The following PIK3CD variants were observed in gnomAD, a reference collection of about 807,000 sequenced individuals.
PIK3CD encodes phosphatidylinositol 4,5-bisphosphate 3-kinase catalytic subunit delta isoform.
In PIK3CD, 20 loss-of-function variants were observed where a neutral mutation model predicts 122.9. That is an observed-to-expected ratio of 0.16 (90% CI 0.11 to 0.24). The LOEUF (loss-of-function observed/expected upper bound fraction) is 0.24, where lower values mean the gene tolerates loss of function less well. Among genes scored for constraint, PIK3CD ranks in the 10% least tolerant of loss-of-function variants. The probability of loss-of-function intolerance (pLI) is 1.00; values close to 1 mark genes in which losing one functional copy is unlikely to be tolerated. For synonymous variants in PIK3CD, 596 were observed against 593.4 expected (o/e 1.00, Z -0.06); for missense variants, 787 against 1,406.3 (o/e 0.56, Z 7.04).
the PIK3CD span, among the ~76,000 whole-genome samples, chr1:9,638,911 G>T: frequency 3.3e-5 from 5 of 151,118 alleles, no homozygotes; most frequent in African/African-American, 1.2e-4. Context: ...GAGGAGCTGG[G>T]ACTACAGGTG....
Position 9,717,231 on chromosome 1 carries a change from G to A in PIK3CD, c.930+123G>A. 7.8e-7 allele frequency: 1 copy of A among 1,289,878 alleles called. No homozygotes were observed. Among genetic ancestry groups the A allele is most frequent in the Non-Finnish European group, 1.1e-6 (1 of 905,508 alleles). 79.9% of individuals were successfully genotyped at this position (1,289,878 alleles called of 1,614,324 possible). On this transcript the variant is annotated intron_variant, in intron 7 of 23. Transcript: ENST00000377346. This position sits in a 1 kb window ranked among gnomAD's most constrained non-coding sequence, Gnocchi z 5.4. ...TATGGAGAGCTGGGGCTTTGAGCTG[G>A]GGAAGCCAACACAGCTGACCAGCGT...
At chr1:9,645,177 C>T in the PIK3CD span, among the ~76,000 whole-genome samples, 1 of 151,874 alleles carries the variant, frequency 6.6e-6, no homozygotes, top group African/African-American at 2.4e-5. Flanking sequence ...CCCACCACCA[C>T]ACCTGGCTAA....
chr1:9,720,755 G>A lies in PIK3CD; in HGVS notation c.1535G>A (p.Arg512Gln), dbSNP rs753025128. The A allele has an allele frequency of 8.7e-6, 14 of 1,612,696 alleles. No individual in the cohort carries two copies. The highest frequency in any genetic ancestry group is 1.7e-4 in the Middle Eastern group (1 of 6,008). The change falls in exon 13 of 24, where the codon CGG (arginine) becomes CAG (glutamine). Residue 512 changes from arginine to glutamine, a missense_variant. This residue lies in a region of PIK3CD where 592 missense variants were observed against 920.6 expected (regional missense o/e 0.64). Transcript: ENST00000377346. This position sits in a 1 kb window ranked among gnomAD's most constrained non-coding sequence, Gnocchi z 9.0. ...HVTEEEQLQLREILERRGSGE... is the reference protein window; with the variant it reads ...HVTEEEQLQLQEILERRGSGE... ...CACACCCCTCAGCAGCTGCAGCTGC[G>A]GGAAATCCTGGAGCGGCGGGGGTCT...
At chr1:9,640,123 G>A in the PIK3CD span, among the ~76,000 whole-genome samples, 11 of 151,672 alleles carry the variant, frequency 7.3e-5, no homozygotes, top group African/African-American at 2.7e-4. Flanking sequence ...TGTGACCCCC[G>A]AGATATGCAC....
At chr1:9,657,993 G>T (rs1458626536) in intron 1 of PIK3CD, among the ~76,000 whole-genome samples, 4 of 152,136 alleles carry the variant, frequency 2.6e-5, no homozygotes, top group Admixed American at 2.0e-4. Context: ...CAGCCACAGT[G>T]GGGGCATTGC....
chr1:9,654,310 G>T (rs370034620), intron 1 of PIK3CD: 17 of 1,367,602 alleles, frequency 1.2e-5, no homozygotes, highest in Non-Finnish European at 1.6e-5. Context: ...AGTCCACGCC[G>T]CCAGGTCTTT....
rs1570396701 is a variant in PIK3CD, at chr1:9,723,441, T to C, written c.2594+149T>C. The C allele has an allele frequency of 2.4e-6, 2 of 817,858 alleles. No homozygotes were observed. Among genetic ancestry groups the C allele is most frequent in the Non-Finnish European group, 4.2e-6 (2 of 475,858 alleles). The allele number at this position is 817,858 out of a possible 1,614,324, so 50.7% of individuals were successfully genotyped here. ...AGTTGAGGACCAGCCTGTGTCTGGG[T>C]TGGGGTGAGGTAGGTCTCTCTTCCC... On this transcript the variant is annotated intron_variant, in intron 20 of 23. Transcript: ENST00000377346. This position sits in a 1 kb window ranked among gnomAD's most constrained non-coding sequence, Gnocchi z 4.9.
intron 2 of PIK3CD, among the ~76,000 whole-genome samples, chr1:9,702,674 C>T (rs1646692177): frequency 6.6e-6 from 1 of 151,372 alleles, no homozygotes; most frequent in South Asian, 2.1e-4. Context: ...GCATGTGCCA[C>T]CATGCCCGGC....
rs1648839847 is a variant in PIK3CD, at chr1:9,722,511, A to C, written c.2348-17A>C. On this transcript the variant is annotated splice_polypyrimidine_tract_variant and intron_variant, in intron 18 of 23. Transcript: ENST00000377346. This position sits in a 1 kb window ranked among gnomAD's most constrained non-coding sequence, Gnocchi z 7.6. ...ACCAGAAACTCACGCTTCTCCTCCCACCGGCCGGTGGCACAGACCTCCGGC... is the reference window on the plus strand; with the variant it reads ...ACCAGAAACTCACGCTTCTCCTCCCCCCGGCCGGTGGCACAGACCTCCGGC... 1 of 1,609,286 alleles carries C rather than the reference A, an allele frequency of 6.2e-7. No homozygotes were observed. Among genetic ancestry groups the C allele is most frequent in the Admixed American group, 1.7e-5 (1 of 59,956 alleles).
At chr1:9,691,099 T>C (rs1192698970) in intron 1 of PIK3CD, among the ~76,000 whole-genome samples, 1 of 152,242 alleles carries the variant, frequency 6.6e-6, no homozygotes, top group African/African-American at 2.4e-5. Flanking sequence ...ACCAACCTGC[T>C]TTTTGCATCC....
At chr1:9,707,337 TC>T (rs1646875263) in intron 2 of PIK3CD, among the ~76,000 whole-genome samples, 3 of 150,862 alleles carry the variant, frequency 2.0e-5, no homozygotes, top group Admixed American at 6.6e-5. Context: ...TTTTTTTTTT[TC>T]CTTGAGTGTT....
chr1:9,675,034 A>T (rs569805163), intron 1 of PIK3CD, among the ~76,000 whole-genome samples: 13 of 145,218 alleles, frequency 9.0e-5, no homozygotes, highest in African/African-American at 2.8e-4. Flanking sequence ...AAAAAAAAAA[A>T]AAAGAGAGAG....
Position 9,728,257 on chromosome 1 carries a change from T to TCTGA in PIK3CD, c.*1214_*1217dup, listed in dbSNP as rs556458274. 6.6e-6 allele frequency: 1 copy of TCTGA among 152,274 alleles called. No individual in the cohort carries two copies. The highest frequency in any genetic ancestry group is 1.5e-5 in the Non-Finnish European group (1 of 68,088). The allele number at this position is 152,274 out of a possible 1,614,324, so 9.4% of individuals were successfully genotyped here. On this transcript the variant is annotated 3_prime_UTR_variant, in exon 24 of 24. Transcript: ENST00000377346. ...GAGGGGGCGTGCTGGGATCTTTCTC[T>TCTGA]CTGACTATACTTAGTTTGAAATGGT...
intron 2 of PIK3CD, among the ~76,000 whole-genome samples, chr1:9,709,666 T>G (rs1309244362): frequency 6.6e-6 from 1 of 151,892 alleles, no homozygotes; most frequent in African/African-American, 2.4e-5. Flanking sequence ...ATGGCACCAC[T>G]GTACTCCAGC....
At position 9,697,747 on chromosome 1, in the gene PIK3CD, AG is replaced by A. The variant is rs570436252; in HGVS notation, c.-33+6177del. On this transcript the variant is annotated intron_variant, in intron 2 of 23. Coordinates refer to ENST00000377346, the MANE Select transcript of PIK3CD (RefSeq NM_005026.5). ...GACCCTGTCTCTAAAACAAAAAAAA[AG>A]TGCTGAGCGCGGTGGCTCACACCTG... 2.3e-3 allele frequency among the ~76,000 whole-genome samples: 353 copies of A among 151,744 alleles called. 1 individual carries two copies. The highest frequency in any genetic ancestry group is 8.2e-3 in the African/African-American group (340 of 41,350).
At position 9,727,161 on chromosome 1, in the gene PIK3CD, A is replaced by G; in HGVS notation, c.*115A>G. The G allele has an allele frequency of 8.4e-7, 1 of 1,185,392 alleles. No homozygotes were observed. Among genetic ancestry groups the G allele is most frequent in the Non-Finnish European group, 1.2e-6 (1 of 808,358 alleles). 73.4% of individuals were successfully genotyped at this position (1,185,392 alleles called of 1,614,324 possible). A position where few individuals can be genotyped will look rare whatever the true frequency, so the allele number is the denominator to read the frequency against. On this transcript the variant is annotated 3_prime_UTR_variant, in exon 24 of 24. Coordinates refer to ENST00000377346, the MANE Select transcript of PIK3CD (RefSeq NM_005026.5). The stretch of plus-strand genomic sequence containing the variant: ...CTGCACCTAACGGGAAAGAACCGAC[A>G]TGGCTGCCTTTTGTTTACACTGGTT...
At position 9,720,414 on chromosome 1, in the gene PIK3CD, G is replaced by T; in HGVS notation, c.1470+172G>T. 1 of 1,381,856 alleles carries T rather than the reference G, an allele frequency of 7.2e-7. No individual in the cohort carries two copies. Among genetic ancestry groups the T allele is most frequent in the South Asian group, 1.4e-5 (1 of 69,890 alleles). The allele number at this position is 1,381,856 out of a possible 1,614,324, so 85.6% of individuals were successfully genotyped here. ...CTGCAGGGATGCTGCGCAGTCTGAT[G>T]ACATTTTCGGTTGTCACAGCTGCCA... On this transcript the variant is annotated intron_variant, in intron 11 of 23. Transcript: ENST00000377346. The surrounding 1 kb of genome is among the most constrained non-coding windows in gnomAD (Gnocchi z 9.0).
At chr1:9,714,402 C>T (rs560074839) in intron 3 of PIK3CD, among the ~76,000 whole-genome samples, 2 of 152,262 alleles carry the variant, frequency 1.3e-5, no homozygotes, top group East Asian at 1.9e-4. Context: ...AATGAAGAGG[C>T]GTGGCTTTTT....
rs557047056 is a variant in PIK3CD at position 9,692,329 on chromosome 1, C to T, written c.-33+758C>T. ...ATGGAAAGGGGCAGGGGTTAGAGCG[C>T]GGTGGCGTCCTTAAAGGCTTTTTCC... On this transcript the variant is annotated intron_variant, in intron 2 of 23. Coordinates refer to ENST00000377346, the MANE Select transcript of PIK3CD (RefSeq NM_005026.5). Among the ~76,000 whole-genome samples, 16 of 152,300 alleles carry T rather than the reference C, an allele frequency of 1.1e-4. No individual in the cohort carries two copies. In the East Asian group the frequency reaches 2.3e-3, roughly 22 times the overall value.
Sources: allele counts gnomAD v4.1 joint callset (sites outside exome capture counted in the v4.1 genomes callset), GRCh38; gene constraint gnomAD v4.1.1; regional missense constraint gnomAD v4.1.1; non-coding constraint Gnocchi (gnomAD v3.1); transcripts MANE v1.5; gene names NCBI Gene and HGNC (gene_info 2026-07-23, HGNC 2026-07-21).